STRBP: variants seen among roughly 807,000 people sequenced by gnomAD.
STRBP encodes the protein spermatid perinuclear RNA binding protein, also known as spermatid perinuclear RNA-binding protein.
STRBP carries 13 observed loss-of-function variants against 80.1 expected under a neutral mutation model. The observed-to-expected ratio is 0.16, with a 90% CI of 0.11 to 0.26. The LOEUF (loss-of-function observed/expected upper bound fraction) is 0.26. Among genes scored for constraint, STRBP ranks in the 10% least tolerant of loss-of-function variants. STRBP has a pLI of 1.00. For synonymous variants in STRBP, 284 were observed against 291.2 expected (o/e 0.98, Z 0.25); for missense variants, 485 against 815.2 (o/e 0.59, Z 4.93).
intron 2 of STRBP, among the ~76,000 whole-genome samples, chr9:123,196,708 T>C (rs1255397186): frequency 6.6e-6 from 1 of 152,184 alleles, no homozygotes; most frequent in Non-Finnish European, 1.5e-5. Flanking sequence ...CCAGTTAAAA[T>C]GGCTTTTATC....
chr9:123,127,055 C>T (rs1425843466), intron 18 of STRBP, among the ~76,000 whole-genome samples: 3 of 152,228 alleles, frequency 2.0e-5, no homozygotes, highest in Non-Finnish European at 4.4e-5. Flanking sequence ...AAGGATGTAG[C>T]TCCAGGCTCT....
intron 11 of STRBP, 120 bp downstream of exon 11, chr9:123,157,892 T>G: frequency 1.3e-6 from 1 of 787,292 alleles, no homozygotes; most frequent in Non-Finnish European, 2.1e-6. Context: ...GGAAGAAAGC[T>G]TTTTATATAT....
At chr9:123,187,233 C>T (rs1384270289) in intron 2 of STRBP, among the ~76,000 whole-genome samples, 1 of 148,610 alleles carries the variant, frequency 6.7e-6, no homozygotes, top group Non-Finnish European at 1.5e-5. Flanking sequence ...CTCTAAAGGA[C>T]TTACATTTCC....
chr9:123,144,211 A>AAG (rs1554746850), intron 13 of STRBP, among the ~76,000 whole-genome samples: 5 of 151,608 alleles, frequency 3.3e-5, no homozygotes, highest in African/African-American at 1.2e-4. Context: ...AAAAAAAAAA[A>AAG]AAAGAAAGAA....
intron 6 of STRBP, among the ~76,000 whole-genome samples, chr9:123,162,082 A>G (rs1240099089): frequency 6.6e-6 from 1 of 152,250 alleles, no homozygotes; most frequent in Admixed American, 6.5e-5. Context: ...CATGATAGTA[A>G]CATCGGATAG....
chr9:123,184,100 A>G, intron 3 of STRBP, 32 bp downstream of exon 3: 1 of 1,592,432 alleles, frequency 6.3e-7, no homozygotes, highest in Non-Finnish European at 8.6e-7. Context: ...GTCTTTTGTA[A>G]CTAAATTATG....
At chr9:123,184,971 T>C (rs1426121629) in intron 2 of STRBP, among the ~76,000 whole-genome samples, 1 of 152,190 alleles carries the variant, frequency 6.6e-6, no homozygotes, top group Non-Finnish European at 1.5e-5. Flanking sequence ...TCCAGAGTCC[T>C]AATCATTGTT....
At chr9:123,120,654 A>T (rs999799351), downstream of STRBP, among the ~76,000 whole-genome samples, 1 of 151,742 alleles carries the variant, frequency 6.6e-6, no homozygotes, top group African/African-American at 2.4e-5. Context: ...ATCTGTCATT[A>T]AAAAAAATGT....
intron 6 of STRBP, chr9:123,168,073 C>T: frequency 6.7e-6 from 2 of 299,100 alleles, no homozygotes; most frequent in Non-Finnish European, 9.9e-6. Flanking sequence ...CCTTTGGCAA[C>T]TTCAGTCTTT....
chr9:123,226,347 A>G (rs1360365180), intron 2 of STRBP, among the ~76,000 whole-genome samples: 2 of 152,158 alleles, frequency 1.3e-5, no homozygotes, highest in Non-Finnish European at 2.9e-5. Context: ...AAAAAAATGT[A>G]TTTTACTATA....
rs2035896362 is a variant in STRBP at position 123,126,436 on chromosome 9, A to G, written c.1943-763T>C. ...TGCATCACAGTAACATTTAAAAACC[A>G]AATCTTTTATGTGAAAAATGGGGGC... On this transcript the variant is annotated intron_variant, in intron 18 of 18. Transcript: ENST00000348403. The surrounding 1 kb of genome is among the most constrained non-coding windows in gnomAD (Gnocchi z 4.4). Among the ~76,000 whole-genome samples the G allele has an allele frequency of 6.6e-6, 1 of 152,208 alleles. No homozygotes were observed. The highest frequency in any genetic ancestry group is 2.4e-5 in the African/African-American group (1 of 41,438).
chr9:123,163,717 T>C (rs971124587), intron 6 of STRBP, among the ~76,000 whole-genome samples: 7 of 152,204 alleles, frequency 4.6e-5, no homozygotes, highest in Admixed American at 3.9e-4. Context: ...TATACAGTTT[T>C]ATGTATGTTT....
At chr9:123,249,315 G>A (rs1030725356) in intron 1 of STRBP, among the ~76,000 whole-genome samples, 12 of 152,100 alleles carry the variant, frequency 7.9e-5, no homozygotes, top group Non-Finnish European at 5.9e-5. Flanking sequence ...GGAGGTCAAG[G>A]CTGCAGTGAG....
intron 3 of STRBP, chr9:123,111,649 C>G (rs746794107): frequency 1.1e-5 from 5 of 474,944 alleles, no homozygotes; most frequent in African/African-American, 9.9e-5. Flanking sequence ...GACTTGCTGT[C>G]ACAGGAAAGG....
chr9:123,215,554 G>A (rs1045621565), intron 2 of STRBP, among the ~76,000 whole-genome samples: 2 of 152,172 alleles, frequency 1.3e-5, no homozygotes, highest in African/African-American at 2.4e-5. Context: ...AAAAATTTGG[G>A]AGGCCAAATT....
chr9:123,154,235 T>C (rs2037182704), intron 11 of STRBP, among the ~76,000 whole-genome samples: 1 of 152,176 alleles, frequency 6.6e-6, no homozygotes, highest in Non-Finnish European at 1.5e-5. Context: ...AACTAGCATA[T>C]TCATAGTGGA....
At chr9:123,151,824 GAA>G (rs113584210) in intron 11 of STRBP, among the ~76,000 whole-genome samples, 3 of 152,022 alleles carry the variant, frequency 2.0e-5, no homozygotes, top group African/African-American at 7.2e-5. Context: ...GAAAACTACA[GAA>G]AAGAGCAGAA....
At chr9:123,231,592 ATCT>A (rs1216337271) in intron 2 of STRBP, among the ~76,000 whole-genome samples, 1 of 152,188 alleles carries the variant, frequency 6.6e-6, no homozygotes, top group Non-Finnish European at 1.5e-5. Flanking sequence ...CAGGGACATC[ATCT>A]TAAGATTCCT....
intron 4 of STRBP, among the ~76,000 whole-genome samples, chr9:123,174,143 A>T (rs1437079018): frequency 6.6e-6 from 1 of 152,230 alleles, no homozygotes; most frequent in Non-Finnish European, 1.5e-5. Context: ...TGTTCTTTTA[A>T]ATTTCCTTCT....
Sources: allele counts gnomAD v4.1 joint callset (sites outside exome capture counted in the v4.1 genomes callset), GRCh38; gene constraint gnomAD v4.1.1; non-coding constraint Gnocchi (gnomAD v3.1); transcripts MANE v1.5; gene names NCBI Gene and HGNC (gene_info 2026-07-23, HGNC 2026-07-21).